Variants in PROS1 observed in about 807,000 individuals in gnomAD.
PROS1 encodes the protein protein S, also known as vitamin K-dependent protein S.
Under a neutral mutation model 75.9 loss-of-function variants are expected in PROS1, and 29 were observed. That is an observed-to-expected ratio of 0.38 (90% CI 0.28 to 0.52). PROS1 has a LOEUF of 0.52. Among genes scored for constraint, PROS1 ranks in the 20% least tolerant of loss-of-function variants. The pLI, the probability that PROS1 is intolerant of heterozygous loss-of-function variation, is 0.83. For synonymous variants in PROS1, 245 were observed against 280.6 expected (o/e 0.87, Z 1.27); for missense variants, 680 against 810.3 (o/e 0.84, Z 1.95).
intron 3 of PROS1, among the ~76,000 whole-genome samples, chr3:93,918,506 C>T (rs1708894586): frequency 6.6e-6 from 1 of 152,104 alleles, no homozygotes; most frequent in South Asian, 2.1e-4. Flanking sequence ...AGCTTCACTC[C>T]TGAGCCAGCG....
chr3:93,938,642 C>G (rs930849283), intron 1 of PROS1, among the ~76,000 whole-genome samples: 1 of 152,218 alleles, frequency 6.6e-6, no homozygotes, highest in African/African-American at 2.4e-5. Context: ...CAATCTCCCT[C>G]TCTCGCTATC....
chr3:93,960,168 G>A (rs1422068245), intron 1 of PROS1, among the ~76,000 whole-genome samples: 8 of 148,624 alleles, frequency 5.4e-5, no homozygotes, highest in Non-Finnish European at 7.4e-5. Context: ...GCAGAAGTGC[G>A]TTTGTCACTT....
rs142671761 is a variant in PROS1, at chr3:93,956,579, C to CAA, written c.76+17094_76+17095insTT. 1.8e-3 allele frequency among the ~76,000 whole-genome samples: 252 copies of CAA among 136,838 alleles called. 1 individual carries two copies. The Middle Eastern group carries it at 0.022, about 12-fold the overall frequency. The allele number at this position is 136,838 out of a possible 152,430, so 89.8% of individuals were successfully genotyped here. A position where few individuals can be genotyped will look rare whatever the true frequency, so the allele number is the denominator to read the frequency against. On this transcript the variant is annotated intron_variant, in intron 1 of 14. Transcript: ENST00000394236. ...ACACACACAAACACACACACACACA[C>CAA]ACACACACACGTTATCAGAATTCTT...
intron 1 of PROS1, among the ~76,000 whole-genome samples, chr3:93,946,329 A>G (rs1478941723): frequency 1.3e-5 from 2 of 152,212 alleles, no homozygotes; most frequent in Non-Finnish European, 2.9e-5. Context: ...TGGAACCAAA[A>G]AAGAGCCCGC....
chr3:93,954,720 A>G (rs1709569338), intron 1 of PROS1, among the ~76,000 whole-genome samples: 2 of 152,230 alleles, frequency 1.3e-5, no homozygotes, highest in Non-Finnish European at 2.9e-5. Context: ...GCCAAAATTG[A>G]CAAATGGGAT....
intron 14 of PROS1, among the ~76,000 whole-genome samples, chr3:93,876,482 G>A (rs1325119299): frequency 2.0e-5 from 3 of 151,558 alleles, no homozygotes; most frequent in African/African-American, 7.3e-5. Flanking sequence ...CCAGCTACTC[G>A]GGAGGTTGAG....
chr3:93,949,795 C>T (rs1709463163), intron 1 of PROS1, among the ~76,000 whole-genome samples: 1 of 152,212 alleles, frequency 6.6e-6, no homozygotes, highest in Non-Finnish European at 1.5e-5. Flanking sequence ...GTGATTTCTG[C>T]ATTTCCAACT....
chr3:93,898,827 A>G (rs1429939282), intron 7 of PROS1, among the ~76,000 whole-genome samples: 2 of 152,112 alleles, frequency 1.3e-5, no homozygotes, highest in African/African-American at 4.8e-5. Flanking sequence ...AAGTATAACA[A>G]TTCTACCAAA....
At chr3:93,905,260 G>A (rs560017659) in intron 6 of PROS1, among the ~76,000 whole-genome samples, 1 of 152,242 alleles carries the variant, frequency 6.6e-6, no homozygotes, top group South Asian at 2.1e-4. Flanking sequence ...ATACACACAA[G>A]TGTGTACACG....
intron 3 of PROS1, among the ~76,000 whole-genome samples, chr3:93,919,884 C>G (rs1384434637): frequency 2.6e-5 from 4 of 152,086 alleles, no homozygotes; most frequent in Non-Finnish European, 1.5e-5. Flanking sequence ...ATTAGGTTGT[C>G]ATAGATATGA....
At chr3:93,905,953 A>G in intron 5 of PROS1, 38 bp from the exon 6 acceptor site, 2 of 1,613,058 alleles carry the variant, frequency 1.2e-6, no homozygotes, top group Non-Finnish European at 1.7e-6. Flanking sequence ...TTAAAGTAAT[A>G]TAACCTGCAG....
At chr3:93,929,864 T>C (rs1207419130) in intron 1 of PROS1, among the ~76,000 whole-genome samples, 1 of 152,222 alleles carries the variant, frequency 6.6e-6, no homozygotes, top group Non-Finnish European at 1.5e-5. Context: ...TAACCACAAA[T>C]GGTTCTTTCA....
At chr3:93,972,535 C>G (rs1709894580) in intron 1 of PROS1, among the ~76,000 whole-genome samples, 1 of 152,052 alleles carries the variant, frequency 6.6e-6, no homozygotes, top group African/African-American at 2.4e-5. Flanking sequence ...GAAAATAAAA[C>G]ATAGAACAAG....
At chr3:93,888,274 G>C (rs1320192040) in intron 10 of PROS1, among the ~76,000 whole-genome samples, 1 of 152,122 alleles carries the variant, frequency 6.6e-6, no homozygotes, top group African/African-American at 2.4e-5. Context: ...TGGTACTTGA[G>C]TTGCTAATTT....
intron 3 of PROS1, among the ~76,000 whole-genome samples, chr3:93,922,746 C>CA (rs1290216098): frequency 6.6e-6 from 1 of 151,568 alleles, no homozygotes; most frequent in African/African-American, 2.4e-5. Context: ...CATCAAATAA[C>CA]AAAAAAAGTG....
chr3:93,946,780 GGC>G (rs1709407967), intron 1 of PROS1, among the ~76,000 whole-genome samples: 1 of 150,034 alleles, frequency 6.7e-6, no homozygotes, highest in Non-Finnish European at 1.5e-5. Flanking sequence ...CAAAAGCAGT[GGC>G]AACAAAAGCC....
At chr3:93,958,092 AAAT>A (rs1255548733) in intron 1 of PROS1, among the ~76,000 whole-genome samples, 1 of 152,176 alleles carries the variant, frequency 6.6e-6, no homozygotes, top group African/African-American at 2.4e-5. Flanking sequence ...CATCTCAAAA[AAAT>A]AATAATAATA....
rs1346686411 is a variant in PROS1 at position 93,906,154 on chromosome 3, T to C, written c.347-11A>G. ...ACTGGTCTGGAATGGCTGAAGGAAA[T>C]AGACATCTATTTATTTTTTTTATCT... On this transcript the variant is annotated splice_polypyrimidine_tract_variant and intron_variant, in intron 4 of 14. Transcript: ENST00000394236. The C allele has an allele frequency of 2.5e-6, 4 of 1,612,264 alleles. No homozygotes were observed. The highest frequency in any genetic ancestry group is 2.2e-5 in the South Asian group (2 of 90,502).
At chr3:93,968,009 G>C (rs1207817066) in intron 1 of PROS1, 1 of 152,070 alleles carries the variant, frequency 6.6e-6, no homozygotes, top group Non-Finnish European at 1.5e-5. Context: ...TGGCAAATTT[G>C]ACTGGCTTAA....
Sources: allele counts gnomAD v4.1 joint callset (sites outside exome capture counted in the v4.1 genomes callset), GRCh38; gene constraint gnomAD v4.1.1; transcripts MANE v1.5; gene names NCBI Gene and HGNC (gene_info 2026-07-23, HGNC 2026-07-21).